ZDHHC17: variants seen among roughly 807,000 people sequenced by gnomAD.
ZDHHC17 encodes palmitoyltransferase ZDHHC17.
Under a neutral mutation model 90.3 loss-of-function variants are expected in ZDHHC17, and 40 were observed. That is an observed-to-expected ratio of 0.44 (90% CI 0.34 to 0.58). The LOEUF is 0.58. Among genes scored for constraint, ZDHHC17 ranks in the 20% least tolerant of loss-of-function variants. ZDHHC17 has a pLI of 0.01. For missense variants in ZDHHC17, 614 were observed against 780.8 expected (o/e 0.79, Z 2.55); for synonymous variants, 235 against 252.4 (o/e 0.93, Z 0.65).
At chr12:76,775,499 A>G (rs1952549149) in intron 1 of ZDHHC17, among the ~76,000 whole-genome samples, 1 of 152,218 alleles carries the variant, frequency 6.6e-6, no homozygotes, top group Admixed American at 6.5e-5. Context: ...GATATAGCCT[A>G]AAGAGTGATA....
chr12:76,829,396 G>T (rs1218467139), intron 10 of ZDHHC17, among the ~76,000 whole-genome samples: 1 of 136,032 alleles, frequency 7.4e-6, no homozygotes, highest in Non-Finnish European at 1.5e-5. Context: ...GGCGGAGGTT[G>T]CAGTGAGCTG....
intron 5 of ZDHHC17, among the ~76,000 whole-genome samples, chr12:76,814,446 A>G (rs927372222): frequency 2.6e-5 from 4 of 151,986 alleles, no homozygotes; most frequent in Admixed American, 2.6e-4. Flanking sequence ...TCTTGAGAGG[A>G]AAGAATAGGA....
intron 10 of ZDHHC17, 89 bp downstream of exon 10, chr12:76,828,579 A>G (rs1161120959): frequency 2.8e-5 from 30 of 1,081,040 alleles, no homozygotes; most frequent in Non-Finnish European, 3.9e-5. Flanking sequence ...GGACTGATCT[A>G]CTCATTCATA....
chr12:76,800,763 C>T (rs1284345679), intron 2 of ZDHHC17, among the ~76,000 whole-genome samples: 2 of 151,802 alleles, frequency 1.3e-5, no homozygotes, highest in Admixed American at 6.6e-5. Context: ...TTGTAGATAG[C>T]GTATAGTTGG....
At chr12:76,850,602 GAATA>G (rs1308534060) in intron 16 of ZDHHC17, among the ~76,000 whole-genome samples, 1 of 152,050 alleles carries the variant, frequency 6.6e-6, no homozygotes, top group Non-Finnish European at 1.5e-5. Context: ...ATGCACATTT[GAATA>G]AATTTAAAAT....
intron 1 of ZDHHC17, among the ~76,000 whole-genome samples, chr12:76,788,688 A>AAATTTTTTTTTTT (rs1952721397): frequency 1.0e-5 from 1 of 98,646 alleles, no homozygotes; most frequent in African/African-American, 4.0e-5. Flanking sequence ...TGGAATCGCA[A>AAATTTTTTTTTTT]TTTTTTTTTT....
At chr12:76,786,829 C>T (rs1952693506) in intron 1 of ZDHHC17, among the ~76,000 whole-genome samples, 1 of 152,152 alleles carries the variant, frequency 6.6e-6, no homozygotes, top group African/African-American at 2.4e-5. Flanking sequence ...ATATCTAATT[C>T]TGTTACTTCC....
intron 10 of ZDHHC17, among the ~76,000 whole-genome samples, chr12:76,839,810 G>A (rs1435179117): frequency 1.3e-5 from 2 of 152,106 alleles, no homozygotes; most frequent in Non-Finnish European, 2.9e-5. Flanking sequence ...GTTGTTAGTG[G>A]GGTTATAAAC....
At chr12:76,799,777 T>C (rs1224871592) in intron 2 of ZDHHC17, among the ~76,000 whole-genome samples, 1 of 152,222 alleles carries the variant, frequency 6.6e-6, no homozygotes, top group Non-Finnish European at 1.5e-5. Flanking sequence ...TGTTTGTTTT[T>C]AGGTTTAAAT....
chr12:76,847,969 G>A (rs1335605435), intron 14 of ZDHHC17, among the ~76,000 whole-genome samples: 1 of 152,140 alleles, frequency 6.6e-6, no homozygotes, highest in African/African-American at 2.4e-5. Context: ...TAAGTATTAT[G>A]TGATGCAATA....
At chr12:76,770,515 T>G (rs1952479522) in intron 1 of ZDHHC17, among the ~76,000 whole-genome samples, 1 of 152,186 alleles carries the variant, frequency 6.6e-6, no homozygotes, top group Non-Finnish European at 1.5e-5. Flanking sequence ...TACCTCAGGA[T>G]AGATGAGGGA....
chr12:76,795,199 G>A (rs984913053), intron 1 of ZDHHC17, among the ~76,000 whole-genome samples: 1 of 151,410 alleles, frequency 6.6e-6, no homozygotes, highest in African/African-American at 2.4e-5. Flanking sequence ...GTTTTAAAAT[G>A]TTGATGTTTG....
intron 10 of ZDHHC17, among the ~76,000 whole-genome samples, chr12:76,837,676 A>T (rs866177120): frequency 3.0e-4 from 45 of 152,178 alleles, no homozygotes; most frequent in South Asian, 2.1e-4. Flanking sequence ...TATAAAAATG[A>T]AGGTTTTCTT....
chr12:76,794,882 T>A (rs1952801424), intron 1 of ZDHHC17, among the ~76,000 whole-genome samples: 1 of 152,216 alleles, frequency 6.6e-6, no homozygotes, highest in Non-Finnish European at 1.5e-5. Flanking sequence ...ATTATTGGTA[T>A]GTAAAAGCAA....
At position 76,848,316 on chromosome 12, in the gene ZDHHC17, A is replaced by G; in HGVS notation, c.1591A>G (p.Met531Val). Residue 531 changes from methionine (M) to valine (V), a missense_variant, in exon 15 of 17, where the codon ATG (methionine) becomes GTG (valine). By Grantham distance (21) the Met-to-Val change is conservative. Transcript: ENST00000426126. ...ITQIATCSPW[M>V]FWMFLNSVFH... ...TCAGATTGCCACGTGTTCACCTTGG[A>G]TGTTTTGGATGTTCCTGAACAGTGT... is the stretch of plus-strand genomic sequence containing the variant. 2 of 1,613,910 alleles carry G rather than the reference A, an allele frequency of 1.2e-6. No homozygotes were observed. Among genetic ancestry groups the G allele is most frequent in the Non-Finnish European group, 1.7e-6 (2 of 1,179,872 alleles).
chr12:76,781,027 G>T lies in ZDHHC17; in HGVS notation c.94-16407G>T, dbSNP rs1027714912. 3.3e-5 allele frequency among the ~76,000 whole-genome samples: 5 copies of T among 151,746 alleles called. No individual in the cohort carries two copies. In the East Asian group the frequency reaches 5.8e-4, roughly 18 times the overall value. On this transcript the variant is annotated intron_variant, in intron 1 of 16. Transcript: ENST00000426126. The stretch of plus-strand genomic sequence containing the variant: ...CAGGCGCCCGTAGTCCCAGCTACTC[G>T]GGAGGCTGAGGCTGGAGAATGGTGT...
chr12:76,806,986 G>T (rs1446781188), intron 3 of ZDHHC17, among the ~76,000 whole-genome samples: 2 of 152,180 alleles, frequency 1.3e-5, no homozygotes, highest in South Asian at 2.1e-4. Flanking sequence ...AAACTTTGAG[G>T]GTAAAGGTGC....
At position 76,851,434 on chromosome 12, in the gene ZDHHC17, T is replaced by G. The variant is rs1953566446; in HGVS notation, c.*449T>G. On this transcript the variant is annotated 3_prime_UTR_variant, in exon 17 of 17. Coordinates refer to ENST00000426126, the MANE Select transcript of ZDHHC17 (RefSeq NM_015336.4). ...TCCAGGAGCATTGTTTTAAGTTGATTGACTAGTTATTATGTACATTTCAGA... is the reference window on the plus strand; with the variant it reads ...TCCAGGAGCATTGTTTTAAGTTGATGGACTAGTTATTATGTACATTTCAGA... 5.9e-6 allele frequency: 1 copy of G among 169,276 alleles called. No homozygotes were observed. Among genetic ancestry groups the G allele is most frequent in the Non-Finnish European group, 1.3e-5 (1 of 79,904 alleles). 10.5% of individuals were successfully genotyped at this position (169,276 alleles called of 1,614,324 possible).
intron 15 of ZDHHC17, among the ~76,000 whole-genome samples, chr12:76,849,137 A>AC (rs1565811530): frequency 2.4e-4 from 35 of 146,554 alleles, no homozygotes; most frequent in African/African-American, 8.1e-4. Context: ...AAAAAAAAAA[A>AC]AAAACCCAAC....
Sources: gnomAD v4.1 joint callset for allele counts (sites outside exome capture counted in the v4.1 genomes callset) on GRCh38, gnomAD v4.1.1 for gene constraint, MANE v1.5 for transcripts, NCBI Gene and HGNC (gene_info 2026-07-23, HGNC 2026-07-21) for gene names.